The following SLCO6A1 variants were observed in gnomAD, a reference collection of about 807,000 sequenced individuals.
SLCO6A1 encodes cancer/testis antigen 48.
Under a neutral mutation model 72.7 loss-of-function variants are expected in SLCO6A1, and 65 were observed. The ratio of observed to expected loss-of-function variants is 0.89; its 90% confidence interval spans 0.73 to 1.10. SLCO6A1 has a LOEUF of 1.10. SLCO6A1 is among the 50% of genes least tolerant of loss of function. SLCO6A1 has a pLI of 0.00. For synonymous variants in SLCO6A1, 314 were observed against 298.2 expected, an observed-to-expected ratio of 1.05 and a Z score of -0.55; for missense variants, 874 against 872.6, an observed-to-expected ratio of 1.00 and a Z score of -0.02.
intron 10 of SLCO6A1, among the ~76,000 whole-genome samples, chr5:102,393,404 G>A (rs1283542666): frequency 1.3e-5 from 2 of 152,064 alleles, no homozygotes; most frequent in East Asian, 3.9e-4. Flanking sequence ...AATATGACAT[G>A]CTTACAAAGC....
chr5:102,471,502 G>A (rs1286265240), intron 4 of SLCO6A1, among the ~76,000 whole-genome samples: 1 of 151,934 alleles, frequency 6.6e-6, no homozygotes, highest in East Asian at 1.9e-4. Flanking sequence ...CTTTTCTCTG[G>A]AAATATTCTC....
chr5:102,453,482 T>TCC (rs1297092625), intron 6 of SLCO6A1, among the ~76,000 whole-genome samples: 5 of 152,212 alleles, frequency 3.3e-5, no homozygotes, highest in African/African-American at 1.2e-4. Context: ...TACTGACTTT[T>TCC]TCTTTATATG....
intron 13 of SLCO6A1, 114 bp from the exon 14 acceptor site, chr5:102,372,237 G>A (rs530192587): frequency 3.4e-4 from 51 of 152,090 alleles, no homozygotes; most frequent in African/African-American, 1.2e-3. Context: ...AAATAAAAAT[G>A]TGTAGTAAGA....
At chr5:102,418,596 G>T (rs1748420635) in intron 8 of SLCO6A1, among the ~76,000 whole-genome samples, 1 of 151,878 alleles carries the variant, frequency 6.6e-6, no homozygotes, top group South Asian at 2.1e-4. Context: ...TTATAGCTTT[G>T]GATCATATTA....
intron 3 of SLCO6A1, 131 bp from the exon 4 acceptor site, chr5:102,475,924 GAAACAAAATC>G: frequency 2.0e-6 from 1 of 508,626 alleles, no homozygotes; most frequent in Non-Finnish European, 3.4e-6. Flanking sequence ...GCTCTCCAGA[GAAACAAAATC>G]AATAAAAGAC....
In SLCO6A1 at chr5:102,413,264, C is replaced by G. The variant is rs1337266438; in HGVS notation, c.1473-121G>C. 5.1e-6 allele frequency: 5 copies of G among 976,168 alleles called. 1 individual carries two copies. The highest frequency in any genetic ancestry group is 7.3e-6 in the Non-Finnish European group (5 of 684,622). The allele number at this position is 976,168 out of a possible 1,614,324, so 60.5% of individuals were successfully genotyped here. Reference sequence around the variant, plus strand: ...TTGAAATAATTTCTTTTTTTAACAGCTTTACTGAGGTCTGAGGTACAATAG... The same window carrying G: ...TTGAAATAATTTCTTTTTTTAACAGGTTTACTGAGGTCTGAGGTACAATAG... On this transcript the variant is annotated intron_variant, in intron 8 of 13. Coordinates refer to ENST00000506729, the MANE Select transcript of SLCO6A1 (RefSeq NM_173488.5).
intron 9 of SLCO6A1, among the ~76,000 whole-genome samples, chr5:102,407,868 G>A (rs553759099): frequency 2.0e-5 from 3 of 151,982 alleles, no homozygotes; most frequent in East Asian, 1.9e-4. Flanking sequence ...TCTTTCCAAG[G>A]CCCTCCAGAA....
At chr5:102,427,437 C>CGG in intron 7 of SLCO6A1, among the ~76,000 whole-genome samples, 1 of 152,046 alleles carries the variant, frequency 6.6e-6, no homozygotes, top group South Asian at 2.1e-4. Flanking sequence ...TGATACTTTA[C>CGG]CTCTGGGTCT....
chr5:102,372,762 G>A (rs756845897), intron 13 of SLCO6A1, among the ~76,000 whole-genome samples: 12 of 151,156 alleles, frequency 7.9e-5, no homozygotes, highest in Non-Finnish European at 1.8e-4. Context: ...TAAGATTAAC[G>A]AAACATCAAA....
intron 5 of SLCO6A1, among the ~76,000 whole-genome samples, chr5:102,459,281 A>G (rs1206942837): frequency 6.6e-6 from 1 of 152,098 alleles, no homozygotes; most frequent in East Asian, 1.9e-4. Context: ...CTTGCTGAAC[A>G]TGGTGGCATG....
At chr5:102,432,675 G>C (rs1279017756) in intron 7 of SLCO6A1, among the ~76,000 whole-genome samples, 1 of 151,894 alleles carries the variant, frequency 6.6e-6, no homozygotes, top group Non-Finnish European at 1.5e-5. Context: ...TTTGTAGATG[G>C]CCTGTCCTTT....
chr5:102,396,688 C>G (rs906432019), intron 10 of SLCO6A1, among the ~76,000 whole-genome samples: 6 of 151,982 alleles, frequency 3.9e-5, no homozygotes, highest in Non-Finnish European at 7.4e-5. Context: ...TTGTTGTTCA[C>G]TTTTATTTTG....
intron 7 of SLCO6A1, among the ~76,000 whole-genome samples, chr5:102,434,559 C>G (rs1251156873): frequency 6.6e-6 from 1 of 152,192 alleles, no homozygotes; most frequent in Non-Finnish European, 1.5e-5. Context: ...TTCCAGCACA[C>G]ATGAAACTAA....
intron 12 of SLCO6A1, among the ~76,000 whole-genome samples, chr5:102,379,057 A>G (rs1745970316): frequency 6.6e-6 from 1 of 152,184 alleles, no homozygotes; most frequent in Admixed American, 6.5e-5. Flanking sequence ...CTGAGATTAC[A>G]GGCATGAGCA....
At chr5:102,491,996 C>T (rs1218234391) in intron 1 of SLCO6A1, among the ~76,000 whole-genome samples, 6 of 152,176 alleles carry the variant, frequency 3.9e-5, no homozygotes, top group African/African-American at 1.4e-4. Flanking sequence ...GAAAGTGAAG[C>T]GAAAGCAGTC....
chr5:102,471,288 C>G (rs1330080692), intron 4 of SLCO6A1, among the ~76,000 whole-genome samples: 3 of 152,114 alleles, frequency 2.0e-5, no homozygotes, highest in East Asian at 1.9e-4. Context: ...TGCTCTAAGT[C>G]TCTAACTACC....
chr5:102,483,912 T>C (rs1259533632), intron 1 of SLCO6A1, among the ~76,000 whole-genome samples: 1 of 152,224 alleles, frequency 6.6e-6, no homozygotes, highest in Non-Finnish European at 1.5e-5. Flanking sequence ...GTTCAACTTA[T>C]GTTGCAATTC....
intron 9 of SLCO6A1, among the ~76,000 whole-genome samples, chr5:102,407,024 A>G (rs373132667): frequency 1.6e-4 from 25 of 152,266 alleles, no homozygotes; most frequent in African/African-American, 6.0e-4. Flanking sequence ...ATATCCCTAC[A>G]TAATCCCTAG....
chr5:102,420,404 A>G (rs1748529439), intron 7 of SLCO6A1, among the ~76,000 whole-genome samples: 1 of 152,210 alleles, frequency 6.6e-6, no homozygotes, highest in Admixed American at 6.5e-5. Flanking sequence ...TTATACTGAC[A>G]AAAGTTCACA....
Sources: allele counts gnomAD v4.1 joint callset (sites outside exome capture counted in the v4.1 genomes callset), GRCh38; gene constraint gnomAD v4.1.1; transcripts MANE v1.5; gene names NCBI Gene and HGNC (gene_info 2026-07-23, HGNC 2026-07-21).